Variants in SLC1A2 observed in about 807,000 individuals in gnomAD.
The protein encoded by SLC1A2 is solute carrier family 1 member 2.
In SLC1A2, 15 loss-of-function variants were observed where a neutral mutation model predicts 48.8. The observed-to-expected ratio is 0.31, with a 90% CI of 0.21 to 0.47. The LOEUF (loss-of-function observed/expected upper bound fraction) is 0.47, where lower values mean the gene tolerates loss of function less well. Among genes scored for constraint, SLC1A2 ranks in the 20% least tolerant of loss-of-function variants. The pLI is 0.99. For missense variants in SLC1A2, 502 were observed against 730.5 expected (o/e 0.69, Z 3.61); for synonymous variants, 279 against 272.6 (o/e 1.02, Z -0.23).
intron 1 of SLC1A2, among the ~76,000 whole-genome samples, chr11:35,338,325 C>G (rs1260651057): frequency 6.6e-6 from 1 of 152,044 alleles, no homozygotes; most frequent in Non-Finnish European, 1.5e-5. Context: ...TTTTTGCCTC[C>G]CTAGTGTCTG....
intron 1 of SLC1A2, among the ~76,000 whole-genome samples, chr11:35,373,277 T>A (rs563460036): frequency 2.0e-4 from 30 of 152,298 alleles, no homozygotes; most frequent in African/African-American, 7.2e-4. Flanking sequence ...CCCTTTCAGC[T>A]CCTTTCTCCA....
intron 1 of SLC1A2, among the ~76,000 whole-genome samples, chr11:35,326,401 T>C (rs1432785153): frequency 1.3e-5 from 2 of 152,224 alleles, no homozygotes; most frequent in African/African-American, 2.4e-5. Flanking sequence ...GCCTCTGAAG[T>C]TTCTCAAACT....
At chr11:35,388,720 C>T (rs1854660042) in intron 1 of SLC1A2, among the ~76,000 whole-genome samples, 1 of 152,126 alleles carries the variant, frequency 6.6e-6, no homozygotes, top group Admixed American at 6.5e-5. Flanking sequence ...TGAAAGATAA[C>T]ACCCTACCCC....
intron 6 of SLC1A2, among the ~76,000 whole-genome samples, chr11:35,295,488 C>A (rs954644833): frequency 2.0e-5 from 3 of 152,212 alleles, no homozygotes; most frequent in Admixed American, 6.5e-5. Context: ...CCAAGGCCAC[C>A]ACTCAAAGCT....
At chr11:35,396,848 A>C (rs1198919825) in intron 1 of SLC1A2, among the ~76,000 whole-genome samples, 1 of 152,064 alleles carries the variant, frequency 6.6e-6, no homozygotes, top group Non-Finnish European at 1.5e-5. Context: ...TACAAAATCA[A>C]TGTGCAAAAA....
chr11:35,348,346 A>ATAATTT (rs1853115896), intron 1 of SLC1A2, among the ~76,000 whole-genome samples: 1 of 152,314 alleles, frequency 6.6e-6, no homozygotes, highest in African/African-American at 2.4e-5. Flanking sequence ...CACATTTCTA[A>ATAATTT]GGGTCTCACC....
At chr11:35,340,833 G>A (rs1187200838) in intron 1 of SLC1A2, among the ~76,000 whole-genome samples, 1 of 152,126 alleles carries the variant, frequency 6.6e-6, no homozygotes, top group African/African-American at 2.4e-5. Context: ...AGCTTCTCTG[G>A]ACTCTTATGT....
At chr11:35,405,578 G>A (rs1042913400) in intron 1 of SLC1A2, among the ~76,000 whole-genome samples, 1 of 152,150 alleles carries the variant, frequency 6.6e-6, no homozygotes, top group Non-Finnish European at 1.5e-5. Context: ...GAGGAGGCAG[G>A]CATCCTGGGA....
At chr11:35,347,462 TGG>T (rs1853082650) in intron 1 of SLC1A2, among the ~76,000 whole-genome samples, 2 of 152,362 alleles carry the variant, frequency 1.3e-5, no homozygotes, top group South Asian at 4.1e-4. Context: ...TCACTGATAG[TGG>T]CTGCTGGAGC....
Position 35,257,335 on chromosome 11 carries a change from C to T in SLC1A2, c.*3559G>A, listed in dbSNP as rs1437799532. On this transcript the variant is annotated 3_prime_UTR_variant, in exon 11 of 11. Transcript: ENST00000278379. The stretch of plus-strand genomic sequence containing the variant: ...GGCATTTTGGCACCCCTTCTTTCAG[C>T]TTTCATGAATATCCAGGCTGACTAG... The T allele has an allele frequency of 6.6e-6, 1 of 152,170 alleles. No homozygotes were observed. The highest frequency in any genetic ancestry group is 1.5e-5 in the Non-Finnish European group (1 of 68,028). 9.4% of individuals were successfully genotyped at this position (152,170 alleles called of 1,614,324 possible).
rs1310805770 is a variant in SLC1A2, at chr11:35,419,086, C to G, written c.-120G>C. On this transcript the variant is annotated 5_prime_UTR_variant, in exon 1 of 11. Coordinates refer to ENST00000278379, the MANE Select transcript of SLC1A2 (RefSeq NM_004171.4). This position sits in a 1 kb window ranked among gnomAD's most constrained non-coding sequence, Gnocchi z 5.4. ...GCGGTATTTAAGAGGAGCCTCTGCC[C>G]GCCCTTCCACCCGCCTCCGGGGTAA... 1.2e-6 allele frequency: 1 copy of G among 813,532 alleles called. No homozygotes were observed. The allele number at this position is 813,532 out of a possible 1,614,324, so 50.4% of individuals were successfully genotyped here. A position where few individuals can be genotyped will look rare whatever the true frequency, so the allele number is the denominator to read the frequency against.
In SLC1A2 at chr11:35,285,116, C is replaced by T. The variant is rs141945571; in HGVS notation, c.1286+1641G>A. On this transcript the variant is annotated intron_variant, in intron 8 of 10. Coordinates refer to ENST00000278379, the MANE Select transcript of SLC1A2 (RefSeq NM_004171.4). ...CAAAAACTATTGCCCCTTCTAATGC[C>T]CAATGGAAAAAGTCAATAAAAACAC... 2.0e-5 allele frequency among the ~76,000 whole-genome samples: 3 copies of T among 152,276 alleles called. 1 individual carries two copies. The highest frequency in any genetic ancestry group is 7.2e-5 in the African/African-American group (3 of 41,544).
intron 1 of SLC1A2, among the ~76,000 whole-genome samples, chr11:35,393,525 C>T (rs997089878): frequency 2.0e-5 from 3 of 152,188 alleles, no homozygotes; most frequent in African/African-American, 4.8e-5. Context: ...TGTGTGGCAT[C>T]TGACACCCCC....
At chr11:35,337,687 G>T (rs549318956) in intron 1 of SLC1A2, among the ~76,000 whole-genome samples, 2 of 152,138 alleles carry the variant, frequency 1.3e-5, no homozygotes, top group Non-Finnish European at 2.9e-5. Flanking sequence ...AGAAACAGCT[G>T]CAAACTCCAA....
At chr11:35,371,541 C>T (rs538388379) in intron 1 of SLC1A2, among the ~76,000 whole-genome samples, 1 of 152,322 alleles carries the variant, frequency 6.6e-6, no homozygotes, top group South Asian at 2.1e-4. Context: ...GGGGTGGGAA[C>T]ACACCCATGA....
intron 1 of SLC1A2, among the ~76,000 whole-genome samples, chr11:35,324,712 G>A (rs1852185228): frequency 6.6e-6 from 1 of 152,116 alleles, no homozygotes; most frequent in African/African-American, 2.4e-5. Context: ...TCCCTATGAT[G>A]GAATGACTGG....
intron 1 of SLC1A2, among the ~76,000 whole-genome samples, chr11:35,386,046 G>A (rs2135221801): frequency 6.6e-6 from 1 of 152,234 alleles, no homozygotes; most frequent in African/African-American, 2.4e-5. Flanking sequence ...GATGCCTGTA[G>A]TCCCAGCTAC....
chr11:35,287,187 G>A (rs938593738), intron 7 of SLC1A2, among the ~76,000 whole-genome samples: 1 of 152,010 alleles, frequency 6.6e-6, no homozygotes, highest in African/African-American at 2.4e-5. Flanking sequence ...TTCTGGTTTT[G>A]GAGATATACT....
rs2134799204 is a variant in SLC1A2 at position 35,301,506 on chromosome 11, C to T, written c.857+13G>A. On this transcript the variant is annotated intron_variant, in intron 6 of 10. Coordinates refer to ENST00000278379, the MANE Select transcript of SLC1A2 (RefSeq NM_004171.4). ...TCAACCCACTGCTAAGAAGTAAGAA[C>T]AAGGCCACTTACCACATGATCATGA... 1 of 1,612,852 alleles carries T rather than the reference C, an allele frequency of 6.2e-7. No homozygotes were observed. The highest frequency in any genetic ancestry group is 1.7e-4 in the Middle Eastern group (1 of 6,044).
Sources: gnomAD v4.1 joint callset for allele counts (sites outside exome capture counted in the v4.1 genomes callset) on GRCh38, gnomAD v4.1.1 for gene constraint, Gnocchi (gnomAD v3.1) non-coding constraint, MANE v1.5 for transcripts, NCBI Gene and HGNC (gene_info 2026-07-23, HGNC 2026-07-21) for gene names.